LARGE1: variants seen among roughly 807,000 people sequenced by gnomAD.
LARGE1 encodes the protein LARGE xylosyl- and glucuronyltransferase 1.
LARGE1 carries 43 observed loss-of-function variants against 87.6 expected under a neutral mutation model. That is an observed-to-expected ratio of 0.49 (90% CI 0.38 to 0.63). The LOEUF is 0.63. Among genes scored for constraint, LARGE1 ranks in the 30% least tolerant of loss-of-function variants. The pLI is 0.00. For synonymous variants in LARGE1, 434 were observed against 394.6 expected, an observed-to-expected ratio of 1.10 and a Z score of -1.18; for missense variants, 802 against 1,000.2, an observed-to-expected ratio of 0.80 and a Z score of 2.67.
intron 5 of LARGE1, among the ~76,000 whole-genome samples, chr22:33,590,590 T>C (rs948529363): frequency 3.0e-4 from 45 of 152,216 alleles, no homozygotes; most frequent in African/African-American, 1.0e-3. Flanking sequence ...CTGGCTCCTA[T>C]TAACTCTGTC....
At chr22:33,427,409 G>A (rs770044712) in intron 7 of LARGE1, among the ~76,000 whole-genome samples, 1 of 152,216 alleles carries the variant, frequency 6.6e-6, no homozygotes, top group Non-Finnish European at 1.5e-5. Flanking sequence ...ATGGTGGAAA[G>A]ATCTTCTCTA....
intron 1 of LARGE1, among the ~76,000 whole-genome samples, chr22:33,890,722 C>T (rs542386198): frequency 7.2e-6 from 1 of 138,124 alleles, no homozygotes; most frequent in African/African-American, 2.7e-5. Flanking sequence ...CCATGAGCTT[C>T]GTGATAAGCC....
chr22:33,504,997 C>T (rs1042375857), intron 6 of LARGE1, among the ~76,000 whole-genome samples: 13 of 152,198 alleles, frequency 8.5e-5, no homozygotes, highest in Non-Finnish European at 1.3e-4. Flanking sequence ...AAGGTGGTAA[C>T]CTCAAGCCAT....
rs1053552735 is a variant in LARGE1 at position 33,537,627 on chromosome 22, C to T, written c.787+27221G>A. ...TGTCACCCAGGCTGGAGTGCAATGG[C>T]GCAGTCTCGGTTCATTCCAACCTCC... On this transcript the variant is annotated intron_variant, in intron 6 of 14. Coordinates refer to ENST00000397394, the MANE Select transcript of LARGE1 (RefSeq NM_133642.5). Among the ~76,000 whole-genome samples the T allele has an allele frequency of 9.7e-4, 148 of 152,228 alleles. 1 individual carries two copies. The highest frequency in any genetic ancestry group is 3.5e-3 in the African/African-American group (147 of 41,544).
intron 10 of LARGE1, among the ~76,000 whole-genome samples, chr22:33,331,510 C>T (rs1042459247): frequency 2.0e-5 from 3 of 151,288 alleles, no homozygotes; most frequent in African/African-American, 7.3e-5. Context: ...CAGGTTCAAG[C>T]GATTCTCCTG....
At chr22:33,764,429 T>C (rs1043794527) in intron 1 of LARGE1, among the ~76,000 whole-genome samples, 2 of 152,060 alleles carry the variant, frequency 1.3e-5, no homozygotes, top group Non-Finnish European at 2.9e-5. Context: ...TCCTATATAC[T>C]TTACTCAAAA....
chr22:33,086,549 CTTTTTTT>C, the LARGE1 span, among the ~76,000 whole-genome samples: 4 of 108,438 alleles, frequency 3.7e-5, no homozygotes, highest in African/African-American at 9.9e-5. Flanking sequence ...AGTTCTTCTA[CTTTTTTT>C]TTTTTTTTTT....
intron 2 of LARGE1, among the ~76,000 whole-genome samples, chr22:33,734,667 G>A (rs1023357420): frequency 1.3e-5 from 2 of 152,122 alleles, no homozygotes; most frequent in African/African-American, 4.8e-5. Context: ...ATGAGGGAGA[G>A]GAGTTTGGGG....
At chr22:33,574,506 A>C (rs2078294554) in intron 5 of LARGE1, among the ~76,000 whole-genome samples, 1 of 152,046 alleles carries the variant, frequency 6.6e-6, no homozygotes, top group East Asian at 1.9e-4. Context: ...TACGTATAGC[A>C]GTGGTCCAGT....
chr22:33,699,728 AAAAG>A (rs1185774245), intron 2 of LARGE1, among the ~76,000 whole-genome samples: 1 of 152,236 alleles, frequency 6.6e-6, no homozygotes, highest in Non-Finnish European at 1.5e-5. Flanking sequence ...CAATAAGCAT[AAAAG>A]AAAGATTCAA....
chr22:33,718,586 G>C (rs955161300), intron 2 of LARGE1, among the ~76,000 whole-genome samples: 15 of 152,164 alleles, frequency 9.9e-5, no homozygotes, highest in African/African-American at 3.6e-4. Context: ...ATGGCCAGTG[G>C]GCTAAGTTCT....
At chr22:33,826,030 C>G (rs2062772861) in intron 1 of LARGE1, among the ~76,000 whole-genome samples, 1 of 152,086 alleles carries the variant, frequency 6.6e-6, no homozygotes, top group African/African-American at 2.4e-5. Flanking sequence ...CTGTCCAGAT[C>G]ACATTTCAAC....
At chr22:33,537,223 AAAGC>A (rs2077068202) in intron 6 of LARGE1, among the ~76,000 whole-genome samples, 1 of 152,240 alleles carries the variant, frequency 6.6e-6, no homozygotes, top group Admixed American at 6.5e-5. Flanking sequence ...TGGAGGTCAG[AAAGC>A]CTGAAATCAG....
chr22:33,122,994 T>A, the LARGE1 span, among the ~76,000 whole-genome samples: 1 of 151,958 alleles, frequency 6.6e-6, no homozygotes, highest in African/African-American at 2.4e-5. Context: ...GGGGGAGAAG[T>A]TCTTGATGAC....
At chr22:33,370,937 T>C (rs1456108347) in intron 9 of LARGE1, among the ~76,000 whole-genome samples, 2 of 150,024 alleles carry the variant, frequency 1.3e-5, no homozygotes, top group Non-Finnish European at 3.0e-5. Flanking sequence ...ACATGAATAA[T>C]ACATATAACA....
chr22:33,343,776 A>G (rs550007493), intron 9 of LARGE1, among the ~76,000 whole-genome samples: 6 of 152,212 alleles, frequency 3.9e-5, no homozygotes, highest in Non-Finnish European at 7.3e-5. Context: ...TACATGCTCA[A>G]GCTTAAAACA....
chr22:33,867,878 C>T (rs2064154503), intron 1 of LARGE1, among the ~76,000 whole-genome samples: 1 of 152,116 alleles, frequency 6.6e-6, no homozygotes, highest in African/African-American at 2.4e-5. Context: ...GATGGCTAGA[C>T]AAGAAGAGGA....
At chr22:33,347,971 C>T (rs1939945144) in intron 9 of LARGE1, among the ~76,000 whole-genome samples, 1 of 152,078 alleles carries the variant, frequency 6.6e-6, no homozygotes, top group Admixed American at 6.6e-5. Flanking sequence ...AAAACAGAAC[C>T]TCTATGGGGG....
At chr22:33,290,708 G>A (rs1415079522) in intron 12 of LARGE1, among the ~76,000 whole-genome samples, 1 of 152,184 alleles carries the variant, frequency 6.6e-6, no homozygotes, top group Non-Finnish European at 1.5e-5. Context: ...TAGGGCACCA[G>A]TCAAGTAGGT....
Sources: gnomAD v4.1 joint callset for allele counts (sites outside exome capture counted in the v4.1 genomes callset) on GRCh38, gnomAD v4.1.1 for gene constraint, MANE v1.5 for transcripts, NCBI Gene and HGNC (gene_info 2026-07-23, HGNC 2026-07-21) for gene names.